MED13: variants seen among roughly 807,000 people sequenced by gnomAD.
The protein encoded by MED13 is mediator of RNA polymerase II transcription subunit 13.
Under a neutral mutation model 225.2 loss-of-function variants are expected in MED13, and 23 were observed. The ratio of observed to expected loss-of-function variants is 0.10; its 90% CI spans 0.07 to 0.14. The LOEUF is 0.14. MED13 is among the 10% of genes least tolerant of loss of function. MED13 has a pLI of 1.00. For synonymous variants in MED13, 942 were observed against 889.2 expected (o/e 1.06, Z -1.06); for missense variants, 2,197 against 2,594.5 (o/e 0.85, Z 3.33).
At chr17:61,993,580 G>T (rs2080321119) in intron 10 of MED13, among the ~76,000 whole-genome samples, 1 of 151,886 alleles carries the variant, frequency 6.6e-6, no homozygotes, top group African/African-American at 2.4e-5. Flanking sequence ...AAAATTTCAA[G>T]TACCTGGCAT....
Position 61,993,980 on chromosome 17 carries a change from C to T in MED13, c.2181+1172G>A, listed in dbSNP as rs373924680. On this transcript the variant is annotated intron_variant, in intron 10 of 29. Transcript: ENST00000397786. ...AAAAACTCACACGTATTATTGGATCCTTTTCATAACTTTACAGATTTCAAT... is the reference window on the plus strand; with the variant it reads ...AAAAACTCACACGTATTATTGGATCTTTTTCATAACTTTACAGATTTCAAT... 2.1e-3 allele frequency among the ~76,000 whole-genome samples: 311 copies of T among 151,648 alleles called. 2 individuals carry two copies. Among genetic ancestry groups the T allele is most frequent in the African/African-American group, 6.7e-3 (277 of 41,372 alleles).
At chr17:61,958,144 G>A (rs2079965251) in intron 23 of MED13, among the ~76,000 whole-genome samples, 2 of 152,040 alleles carry the variant, frequency 1.3e-5, no homozygotes, top group South Asian at 2.1e-4. Context: ...GATTACAGGC[G>A]TGAGCCACCG....
Position 62,035,515 on chromosome 17 carries a change from A to T in MED13, c.564T>A (p.Leu188=). Residue 188 remains leucine, a synonymous_variant, in exon 4 of 30, where the codon CTT becomes CTA. Coordinates refer to ENST00000397786, the MANE Select transcript of MED13 (RefSeq NM_005121.3). The part of the protein sequence containing the change: ...VEINQHQPVY[L]LSEEHITLAQ... ...CAAGGGTGATATGCTCTTCACTGAG[A>T]AGGTATACAGGTTGATGTTGGTTAA... 6.2e-7 allele frequency: 1 copy of T among 1,613,516 alleles called. No individual in the cohort carries two copies. The highest frequency in any genetic ancestry group is 8.5e-7 in the Non-Finnish European group (1 of 1,179,552).
intron 3 of MED13, among the ~76,000 whole-genome samples, chr17:62,045,526 T>TA (rs762712861): frequency 0.015 from 2,152 of 144,362 alleles, 19 homozygotes; most frequent in Non-Finnish European, 0.023. Context: ...TGTCTCTATT[T>TA]AAAAAAAAAA....
At chr17:61,987,749 AT>A (rs202173636) in intron 11 of MED13, among the ~76,000 whole-genome samples, 2 of 151,322 alleles carry the variant, frequency 1.3e-5, no homozygotes, top group East Asian at 1.9e-4. Context: ...CATACTTGTA[AT>A]TTTTTTTTCT....
Position 61,953,037 on chromosome 17 carries a change from A to C in MED13, c.6045T>G (p.Leu2015=). Residue 2015 remains leucine (L), a synonymous_variant, in exon 27 of 30, where the codon CTT becomes CTG. Coordinates refer to ENST00000397786, the MANE Select transcript of MED13 (RefSeq NM_005121.3). ...CAGGAGAACCAGTTGGAGAAGCAGG[A>C]AGGATATTAATGATATCAGGGTCAA... ...DDLDPDIINI[L]PASPTGSPVH... The C allele has an allele frequency of 5.6e-6, 9 of 1,613,950 alleles. No individual in the cohort carries two copies. Among genetic ancestry groups the C allele is most frequent in the Non-Finnish European group, 7.6e-6 (9 of 1,179,796 alleles).
At chr17:61,994,667 A>C (rs2143516539) in intron 10 of MED13, among the ~76,000 whole-genome samples, 1 of 152,318 alleles carries the variant, frequency 6.6e-6, no homozygotes, top group African/African-American at 2.4e-5. Context: ...GGTCAGCTAT[A>C]ATTGGTACCA....
At chr17:62,023,607 T>G (rs1041046615) in intron 8 of MED13, among the ~76,000 whole-genome samples, 1 of 152,174 alleles carries the variant, frequency 6.6e-6, no homozygotes, top group African/African-American at 2.4e-5. Context: ...GTGCCTCCTA[T>G]TAGCCAACTC....
intron 16 of MED13, among the ~76,000 whole-genome samples, chr17:61,975,887 G>A (rs1319224383): frequency 2.0e-5 from 3 of 151,960 alleles, no homozygotes; most frequent in African/African-American, 7.3e-5. Flanking sequence ...ATGGTGGCAG[G>A]AGCCTGTAAT....
chr17:61,998,889 G>A (rs1273839681), intron 9 of MED13, among the ~76,000 whole-genome samples: 2 of 148,080 alleles, frequency 1.4e-5, no homozygotes. Context: ...GTGAGCTACT[G>A]AGCCCAGCCT....
chr17:62,050,506 A>T (rs1053821230), intron 3 of MED13, among the ~76,000 whole-genome samples: 2 of 152,182 alleles, frequency 1.3e-5, no homozygotes, highest in Non-Finnish European at 2.9e-5. Flanking sequence ...GACCAAAAAA[A>T]AAAAAAGTCC....
chr17:61,952,639 G>A (rs941589008), intron 27 of MED13, among the ~76,000 whole-genome samples: 1 of 152,116 alleles, frequency 6.6e-6, no homozygotes, highest in South Asian at 2.1e-4. Context: ...AATTTCCAAG[G>A]AAAAATAGTA....
chr17:62,016,821 C>T (rs2080586651), intron 8 of MED13, among the ~76,000 whole-genome samples: 1 of 152,048 alleles, frequency 6.6e-6, no homozygotes, highest in Admixed American at 6.6e-5. Context: ...CCAGCCTAGC[C>T]AACACAGTGA....
chr17:61,986,922 A>G (rs911305963), intron 12 of MED13, 85 bp downstream of exon 12: 6 of 891,258 alleles, frequency 6.7e-6, no homozygotes, highest in Non-Finnish European at 9.4e-6. Context: ...CATAGTATTA[A>G]ACTCACAAAT....
Position 62,016,526 on chromosome 17 carries a change from T to C in MED13, c.1284-5293A>G, listed in dbSNP as rs1400759300. On this transcript the variant is annotated intron_variant, in intron 8 of 29. Transcript: ENST00000397786. ...TAATTTATAAAGCTGCACTATCCAA[T>C]AATGGTAGCCACAAGTTACATGTAG... 2.0e-5 allele frequency among the ~76,000 whole-genome samples: 3 copies of C among 152,198 alleles called. 1 individual carries two copies. Among genetic ancestry groups the C allele is most frequent in the Admixed American group, 2.0e-4 (3 of 15,286 alleles).
chr17:62,031,796 CTTT>C (rs201086493), intron 5 of MED13, among the ~76,000 whole-genome samples, 158 bp from the exon 6 acceptor site: 2 of 144,690 alleles, frequency 1.4e-5, no homozygotes, highest in African/African-American at 5.1e-5. Context: ...TTTTTCTTTT[CTTT>C]TTTTTTTTTC....
intron 13 of MED13, 31 bp from the exon 14 acceptor site, chr17:61,984,896 T>C: frequency 6.3e-7 from 1 of 1,594,390 alleles, no homozygotes; most frequent in Non-Finnish European, 8.6e-7. Flanking sequence ...CATTTTAACA[T>C]GACTAAAAAT....
At chr17:62,060,365 G>A (rs575662104) in intron 2 of MED13, among the ~76,000 whole-genome samples, 16 of 152,128 alleles carry the variant, frequency 1.1e-4, no homozygotes, top group Non-Finnish European at 1.6e-4. Flanking sequence ...CCTCCTGCCT[G>A]TAATCCCAGC....
At chr17:62,039,787 GGGTTTTGCCATGTATT>G (rs1294386401) in intron 3 of MED13, among the ~76,000 whole-genome samples, 1 of 151,954 alleles carries the variant, frequency 6.6e-6, no homozygotes, top group Non-Finnish European at 1.5e-5. Context: ...AGTAGAGACG[GGGTTTTGCCATGTATT>G]GGCCAGACTG....
Sources: allele counts gnomAD v4.1 joint callset (sites outside exome capture counted in the v4.1 genomes callset), GRCh38; gene constraint gnomAD v4.1.1; transcripts MANE v1.5; gene names NCBI Gene and HGNC (gene_info 2026-07-23, HGNC 2026-07-21).